The following WDFY4 variants were observed in gnomAD, a reference collection of about 807,000 sequenced individuals.
WDFY4 encodes the protein WDFY family member 4.
A neutral mutation model predicts 351.9 loss-of-function variants in WDFY4; 169 were observed. That is an observed-to-expected ratio of 0.48 (90% CI 0.42 to 0.55). The LOEUF (loss-of-function observed/expected upper bound fraction) is 0.55. WDFY4 is among the 20% of genes least tolerant of loss of function. The pLI, the probability that WDFY4 is intolerant of heterozygous loss-of-function variation, is 0.00. For synonymous variants in WDFY4, 1,622 were observed against 1,574.6 expected (o/e 1.03, Z -0.71); for missense variants, 3,803 against 3,935.6 (o/e 0.97, Z 0.90).
At chr10:48,913,746 G>A (rs17853700) in intron 47 of WDFY4, 1 of 1,613,846 alleles carries the variant, frequency 6.2e-7, no homozygotes, top group Non-Finnish European at 8.5e-7. Flanking sequence ...CAGTGTGGTG[G>A]GCACGCTGTC....
chr10:48,822,316 T>C, intron 34 of WDFY4, 64 bp from the exon 35 acceptor site: 1 of 1,454,896 alleles, frequency 6.9e-7, no homozygotes, highest in Non-Finnish European at 9.1e-7. Flanking sequence ...ACAGGGGGCT[T>C]GGAGATTGTC....
chr10:48,839,959 C>T (rs2068539756), intron 39 of WDFY4, among the ~76,000 whole-genome samples: 1 of 152,178 alleles, frequency 6.6e-6, no homozygotes, highest in South Asian at 2.1e-4. Flanking sequence ...TGGTGCTTTT[C>T]CTGAGATAAC....
intron 1 of WDFY4, among the ~76,000 whole-genome samples, chr10:48,705,883 G>T (rs894618579): frequency 7.9e-5 from 12 of 152,168 alleles, no homozygotes; most frequent in Non-Finnish European, 1.8e-4. Context: ...TCCTGAAGAT[G>T]GGGCATGTTA....
intron 47 of WDFY4, chr10:48,909,476 T>C (rs1327673835): frequency 6.7e-6 from 1 of 149,168 alleles, no homozygotes; most frequent in African/African-American, 2.6e-5. Flanking sequence ...TACTTAAGGC[T>C]AGGTAATTTA....
intron 24 of WDFY4, 103 bp from the exon 25 acceptor site, chr10:48,803,183 C>A: frequency 1.8e-6 from 2 of 1,103,230 alleles, no homozygotes; most frequent in Admixed American, 2.1e-5. Context: ...TTGATGATTC[C>A]ACGTCAGAGG....
At chr10:48,866,721 C>A (rs1195754986) in intron 39 of WDFY4, among the ~76,000 whole-genome samples, 1 of 152,148 alleles carries the variant, frequency 6.6e-6, no homozygotes, top group Non-Finnish European at 1.5e-5. Context: ...CAAGCTAGTT[C>A]ATCATAGTTG....
At chr10:48,716,702 T>C (rs1408148153) in intron 2 of WDFY4, among the ~76,000 whole-genome samples, 1 of 152,192 alleles carries the variant, frequency 6.6e-6, no homozygotes, top group Non-Finnish European at 1.5e-5. Flanking sequence ...GTGGCCCAAT[T>C]TGCTTTATTG....
At chr10:48,787,867 CTTT>C (rs2066475889) in intron 20 of WDFY4, among the ~76,000 whole-genome samples, 1 of 105,926 alleles carries the variant, frequency 9.4e-6, no homozygotes, top group African/African-American at 5.0e-5. Flanking sequence ...CTTTCTTCTT[CTTT>C]CTTCTTTCTT....
intron 51 of WDFY4, 62 bp from the exon 52 acceptor site, chr10:48,957,067 T>A: frequency 2.0e-6 from 3 of 1,524,228 alleles, no homozygotes; most frequent in East Asian, 2.5e-5. Flanking sequence ...GAATGGACGG[T>A]GCCTGGCCAG....
At chr10:48,788,331 C>A (rs986156929) in intron 20 of WDFY4, among the ~76,000 whole-genome samples, 199 bp from the exon 21 acceptor site, 1 of 152,114 alleles carries the variant, frequency 6.6e-6, no homozygotes, top group African/African-American at 2.4e-5. Flanking sequence ...GCCCAGCCCA[C>A]GGTTTTCTAT....
chr10:48,884,722 C>T (rs1564448286), intron 43 of WDFY4, among the ~76,000 whole-genome samples: 1 of 151,152 alleles, frequency 6.6e-6, no homozygotes, highest in African/African-American at 2.5e-5. Context: ...ATGCTCCTCC[C>T]CTGTTTTTTT....
At chr10:48,733,459 C>T (rs926152398) in intron 9 of WDFY4, among the ~76,000 whole-genome samples, 3 of 152,166 alleles carry the variant, frequency 2.0e-5, no homozygotes, top group African/African-American at 7.2e-5. Flanking sequence ...TCTTGAGCTT[C>T]CCCATGACTC....
intron 39 of WDFY4, among the ~76,000 whole-genome samples, chr10:48,838,588 T>A (rs2068487171): frequency 6.6e-6 from 1 of 152,166 alleles, no homozygotes; most frequent in Non-Finnish European, 1.5e-5. Context: ...ATTGTGGAAA[T>A]TCTCAAACAT....
intron 24 of WDFY4, among the ~76,000 whole-genome samples, chr10:48,799,571 G>A (rs1007377330): frequency 6.6e-6 from 1 of 152,130 alleles, no homozygotes; most frequent in Non-Finnish European, 1.5e-5. Context: ...TCAGGGGTTC[G>A]GTACCAGCCT....
At chr10:48,733,840 C>T (rs996227474) in intron 9 of WDFY4, 91 bp from the exon 10 acceptor site, 5 of 1,130,632 alleles carry the variant, frequency 4.4e-6, no homozygotes, top group South Asian at 4.3e-5. Flanking sequence ...ATATTCACAT[C>T]TCCTTAAGAG....
chr10:48,912,685 G>A (rs138274510), intron 47 of WDFY4, among the ~76,000 whole-genome samples: 15 of 152,298 alleles, frequency 9.8e-5, no homozygotes, highest in African/African-American at 3.4e-4. Context: ...CCATTATTTC[G>A]TTTCTCCTAT....
intron 13 of WDFY4, among the ~76,000 whole-genome samples, chr10:48,770,304 T>C (rs1394773051): frequency 6.6e-6 from 1 of 152,226 alleles, no homozygotes; most frequent in African/African-American, 2.4e-5. Context: ...TTTTAAGTAT[T>C]CCTGCTATGT....
chr10:48,836,500 T>C (rs1280924008), intron 39 of WDFY4, among the ~76,000 whole-genome samples: 1 of 152,218 alleles, frequency 6.6e-6, no homozygotes, highest in African/African-American at 2.4e-5. Context: ...TTGGTGTTAT[T>C]CCTTATCATG....
intron 47 of WDFY4, among the ~76,000 whole-genome samples, chr10:48,904,524 C>T (rs1837517352): frequency 6.6e-6 from 1 of 152,128 alleles, no homozygotes; most frequent in Non-Finnish European, 1.5e-5. Context: ...GACCGCTAGG[C>T]ACAAGTAAGT....
Sources: allele counts gnomAD v4.1 joint callset (sites outside exome capture counted in the v4.1 genomes callset), GRCh38; gene constraint gnomAD v4.1.1; transcripts MANE v1.5; gene names NCBI Gene and HGNC (gene_info 2026-07-23, HGNC 2026-07-21).